GLB1: variants seen among roughly 807,000 people sequenced by gnomAD.
GLB1 encodes galactosidase beta 1.
Under a neutral mutation model 74.0 loss-of-function variants are expected in GLB1, and 56 were observed. That is an observed-to-expected ratio of 0.76 (90% confidence interval 0.61 to 0.94). The LOEUF is 0.94. Among genes scored for constraint, GLB1 ranks in the 40% least tolerant of loss-of-function variants. The pLI is 0.00. For synonymous variants in GLB1, 323 were observed against 323.6 expected, an observed-to-expected ratio of 1.00 and a Z score of 0.02; for missense variants, 787 against 845.5, an observed-to-expected ratio of 0.93 and a Z score of 0.86.
downstream of GLB1, among the ~76,000 whole-genome samples, chr3:32,993,822 CGCACCTG>C (rs1696264130): frequency 6.6e-6 from 1 of 151,894 alleles, no homozygotes; most frequent in South Asian, 2.1e-4. Context: ...TGTGAGTCAC[CGCACCTG>C]GCCTAATTTT....
At chr3:32,966,827 T>C in the GLB1 span, among the ~76,000 whole-genome samples, 1 of 152,220 alleles carries the variant, frequency 6.6e-6, no homozygotes, top group Non-Finnish European at 1.5e-5. Context: ...CTGATGGTTT[T>C]ATAAAGGACA....
intron 5 of GLB1, among the ~76,000 whole-genome samples, chr3:33,061,430 A>G (rs1002219690): frequency 6.6e-6 from 1 of 152,010 alleles, no homozygotes; most frequent in African/African-American, 2.4e-5. Context: ...CAAACAAAAA[A>G]CCACCAGAGA....
intron 1 of GLB1, among the ~76,000 whole-genome samples, chr3:33,086,964 G>C (rs1036167090): frequency 4.1e-5 from 6 of 145,014 alleles, no homozygotes; most frequent in African/African-American, 1.5e-4. Flanking sequence ...ATAAACAAAA[G>C]AGAATAGAAA....
chr3:33,067,223 G>A (rs372475338), intron 4 of GLB1, among the ~76,000 whole-genome samples: 6 of 151,940 alleles, frequency 3.9e-5, no homozygotes, highest in South Asian at 2.1e-4. Flanking sequence ...GGCTGGTCTC[G>A]AACTCCTGAC....
intron 10 of GLB1, among the ~76,000 whole-genome samples, chr3:33,025,507 C>T (rs1697704686): frequency 6.6e-6 from 1 of 152,136 alleles, no homozygotes; most frequent in South Asian, 2.1e-4. Flanking sequence ...TTCTTTCTTT[C>T]CTTCTTTTTT....
chr3:33,074,422 G>C (rs1700034361), intron 1 of GLB1, among the ~76,000 whole-genome samples: 1 of 100,740 alleles, frequency 9.9e-6, no homozygotes, highest in Non-Finnish European at 2.2e-5. Flanking sequence ...ATTACACATA[G>C]TAAAGTATTA....
chr3:33,037,577 C>G (rs1698330485), intron 10 of GLB1, among the ~76,000 whole-genome samples: 1 of 152,140 alleles, frequency 6.6e-6, no homozygotes, highest in East Asian at 1.9e-4. Context: ...AACAGTAACT[C>G]TTACCTAGAA....
the GLB1 span, among the ~76,000 whole-genome samples, chr3:32,975,801 T>G: frequency 6.6e-6 from 1 of 152,192 alleles, no homozygotes; most frequent in Non-Finnish European, 1.5e-5. Flanking sequence ...GGAAAGTACT[T>G]TTAAATAAAT....
In GLB1 at chr3:33,093,381, T is replaced by C. The variant is rs755612113; in HGVS notation, c.75+3630A>G. On this transcript the variant is annotated intron_variant, in intron 1 of 15. Coordinates refer to ENST00000307363, the MANE Select transcript of GLB1 (RefSeq NM_000404.4). The surrounding 1 kb of genome is among the most constrained non-coding windows in gnomAD (Gnocchi z 6.0). ...GTACTCATGATTGCCTGTGACGAAG[T>C]AGGCACCGAGATGTGAATGAAGCTG... 4.3e-6 allele frequency: 7 copies of C among 1,614,020 alleles called. No homozygotes were observed. Among genetic ancestry groups the C allele is most frequent in the African/African-American group, 2.7e-5 (2 of 74,966 alleles).
chr3:32,963,565 C>T, the GLB1 span, among the ~76,000 whole-genome samples: 1 of 152,232 alleles, frequency 6.6e-6, no homozygotes, highest in African/African-American at 2.4e-5. Context: ...CCAAGTGGCA[C>T]ATGGATGTTT....
At position 33,072,594 on chromosome 3, in the gene GLB1, C is replaced by G; in HGVS notation, c.195G>C (p.Trp65Cys). Reference sequence around the variant, plus strand: ...TCTTCATCTTCAGCAGCCGGTCCTTCCAGTAGAAGCGGGGCACACGGGAGT... The same window carrying G: ...TCTTCATCTTCAGCAGCCGGTCCTTGCAGTAGAAGCGGGGCACACGGGAGT... The part of the protein sequence containing the change: ...IHYSRVPRFY[W>C]KDRLLKMKMA... The change falls in exon 2 of 16, where the codon TGG becomes TGC. Residue 65 changes from tryptophan (W) to cysteine (C), a missense_variant. By Grantham distance (215) the Trp-to-Cys change is radical. Coordinates refer to ENST00000307363, the MANE Select transcript of GLB1 (RefSeq NM_000404.4). The G allele has an allele frequency of 6.2e-7, 1 of 1,614,038 alleles. No individual in the cohort carries two copies. Among genetic ancestry groups the G allele is most frequent in the Non-Finnish European group, 8.5e-7 (1 of 1,180,046 alleles).
At chr3:33,029,842 T>G (rs906150010) in intron 10 of GLB1, among the ~76,000 whole-genome samples, 3 of 151,538 alleles carry the variant, frequency 2.0e-5, no homozygotes, top group African/African-American at 2.4e-5. Flanking sequence ...GAATGACCTA[T>G]CAGGTACTAT....
rs2125566286 is a variant in GLB1 at position 33,080,551 on chromosome 3, G to A, written c.76-7838C>T. Among the ~76,000 whole-genome samples the A allele has an allele frequency of 1.3e-5, 2 of 152,330 alleles. 1 individual carries two copies. The highest frequency in any genetic ancestry group is 4.1e-4 in the South Asian group (2 of 4,828). On this transcript the variant is annotated intron_variant, in intron 1 of 15. Transcript: ENST00000307363. Reference sequence around the variant, plus strand: ...TCAGCCCAGAAGTCCAGGAGCACCAGGCAGTCCATGCCCCTGAGGGCAACC... The same window carrying A: ...TCAGCCCAGAAGTCCAGGAGCACCAAGCAGTCCATGCCCCTGAGGGCAACC...
chr3:32,973,128 C>T, the GLB1 span, among the ~76,000 whole-genome samples: 1 of 152,186 alleles, frequency 6.6e-6, no homozygotes, highest in African/African-American at 2.4e-5. Flanking sequence ...TTGTTCGGGG[C>T]TTAGTCCTTT....
chr3:33,040,707 A>T (rs1559395543), intron 10 of GLB1, among the ~76,000 whole-genome samples: 2 of 152,204 alleles, frequency 1.3e-5, no homozygotes, highest in Non-Finnish European at 2.9e-5. Flanking sequence ...CATGAACAAG[A>T]GGTCACAGAA....
At chr3:32,986,622 G>A in the GLB1 span, among the ~76,000 whole-genome samples, 2 of 146,614 alleles carry the variant, frequency 1.4e-5, no homozygotes, top group East Asian at 2.0e-4. Flanking sequence ...ATGGAGTCTC[G>A]CTCTGTCTCC....
At chr3:33,004,795 T>C (rs1575400685) in intron 15 of GLB1, among the ~76,000 whole-genome samples, 2 of 152,114 alleles carry the variant, frequency 1.3e-5, no homozygotes, top group African/African-American at 4.8e-5. Context: ...AGCAGAAGAG[T>C]AGCTTTCAGG....
chr3:32,975,132 AG>A, the GLB1 span, among the ~76,000 whole-genome samples: 2 of 152,198 alleles, frequency 1.3e-5, no homozygotes, highest in African/African-American at 4.8e-5. Context: ...CTCAGGCTGG[AG>A]TGCAGTGGCA....
the GLB1 span, among the ~76,000 whole-genome samples, chr3:32,987,101 C>T: frequency 6.6e-6 from 1 of 152,160 alleles, no homozygotes; most frequent in African/African-American, 2.4e-5. Flanking sequence ...ATGGCCAATT[C>T]CCTACTACCT....
Sources: allele counts gnomAD v4.1 joint callset (sites outside exome capture counted in the v4.1 genomes callset), GRCh38; gene constraint gnomAD v4.1.1; non-coding constraint Gnocchi (gnomAD v3.1); transcripts MANE v1.5; gene names NCBI Gene and HGNC (gene_info 2026-07-23, HGNC 2026-07-21).